The following ABCD3 variants were observed in gnomAD, a reference collection of about 807,000 sequenced individuals.
The protein encoded by ABCD3 is ATP-binding cassette sub-family D member 3.
ABCD3 carries 41 observed loss-of-function variants against 105.5 expected under a neutral mutation model. That is an observed-to-expected ratio of 0.39 (90% CI 0.30 to 0.50). The LOEUF (loss-of-function observed/expected upper bound fraction) is 0.50. Among genes scored for constraint, ABCD3 ranks in the 20% least tolerant of loss-of-function variants. ABCD3 has a pLI of 0.84. For missense variants in ABCD3, 622 were observed against 806.3 expected (o/e 0.77, Z 2.77); for synonymous variants, 258 against 269.0 (o/e 0.96, Z 0.40).
At chr1:94,391,581 A>G in the ABCD3 span, among the ~76,000 whole-genome samples, 2 of 146,856 alleles carry the variant, frequency 1.4e-5, no homozygotes, top group East Asian at 4.1e-4. Flanking sequence ...AGCCCAGCCT[A>G]TGTAAGACAG....
At chr1:94,419,242 A>G (rs948292668) in intron 1 of ABCD3, 2 of 978,686 alleles carry the variant, frequency 2.0e-6, no homozygotes, top group African/African-American at 3.5e-5. Context: ...TCATCCGGAA[A>G]GGCTGGATCG....
chr1:94,408,448 G>C, the ABCD3 span, among the ~76,000 whole-genome samples: 1 of 151,692 alleles, frequency 6.6e-6, no homozygotes, highest in African/African-American at 2.4e-5. Flanking sequence ...AAAAAAATTA[G>C]CTGGGCGTAG....
In ABCD3 at chr1:94,480,618, T is replaced by G. The variant is rs182429529; in HGVS notation, c.827+12T>G. 6.2e-7 allele frequency: 1 copy of G among 1,613,262 alleles called. No individual in the cohort carries two copies. Among genetic ancestry groups the G allele is most frequent in the African/African-American group, 1.3e-5 (1 of 74,882 alleles). ...CTCATCACAAACAGGTAAAGACAAA[T>G]GCATTAAAGCCTTGCTAAAAATTAA... On this transcript the variant is annotated intron_variant, in intron 9 of 22. Transcript: ENST00000370214.
chr1:94,485,433 AATTGGATTTTTGCCTCGTCGGTATTTAAC>A (rs1460961987), intron 10 of ABCD3, among the ~76,000 whole-genome samples: 8 of 152,178 alleles, frequency 5.3e-5, no homozygotes, highest in African/African-American at 1.9e-4. Flanking sequence ...TTATTTCAGA[AATTGGATTTTTGCCTCGTCGGTATTTAAC>A]ATGGCAGAAC....
At chr1:94,398,199 A>AATCATCT in the ABCD3 span, among the ~76,000 whole-genome samples, 11 of 152,134 alleles carry the variant, frequency 7.2e-5, no homozygotes, top group Non-Finnish European at 1.6e-4. Flanking sequence ...ATCATCTATC[A>AATCATCT]ATCAATCAAC....
chr1:94,492,063 G>A (rs1315654850), intron 16 of ABCD3, among the ~76,000 whole-genome samples: 1 of 151,122 alleles, frequency 6.6e-6, no homozygotes, highest in Non-Finnish European at 1.5e-5. Context: ...TAGATATTGA[G>A]CATGTGAAAT....
At chr1:94,396,680 T>C in the ABCD3 span, among the ~76,000 whole-genome samples, 1 of 152,212 alleles carries the variant, frequency 6.6e-6, no homozygotes, top group Non-Finnish European at 1.5e-5. Flanking sequence ...TATAGTTACA[T>C]AAATATAACA....
chr1:94,506,801 A>G (rs922576822), intron 21 of ABCD3, among the ~76,000 whole-genome samples, 159 bp downstream of exon 21: 2 of 152,044 alleles, frequency 1.3e-5, no homozygotes, highest in Admixed American at 6.6e-5. Context: ...TGAATAAAAG[A>G]AAAAGAATTA....
chr1:94,440,764 A>T (rs1173645670), intron 1 of ABCD3, among the ~76,000 whole-genome samples: 1 of 152,098 alleles, frequency 6.6e-6, no homozygotes, highest in Non-Finnish European at 1.5e-5. Flanking sequence ...CTAGTTTTCT[A>T]GTTTCGTTGT....
chr1:94,451,429 C>G (rs77746791), intron 1 of ABCD3, among the ~76,000 whole-genome samples: 4,138 of 151,884 alleles, frequency 0.027, 198 homozygotes, highest in African/African-American at 0.095. Flanking sequence ...TACCCAGGAG[C>G]ATTGTCAGTC....
chr1:94,458,703 A>G, intron 2 of ABCD3, 60 bp downstream of exon 2: 1 of 1,509,540 alleles, frequency 6.6e-7, no homozygotes, highest in Non-Finnish European at 9.2e-7. Flanking sequence ...TTATTTTGTC[A>G]TATGATTCTG....
At chr1:94,461,807 G>A (rs920682201) in intron 2 of ABCD3, among the ~76,000 whole-genome samples, 1 of 152,130 alleles carries the variant, frequency 6.6e-6, no homozygotes, top group African/African-American at 2.4e-5. Flanking sequence ...AGGTATATTT[G>A]TAGGGTAAGT....
At chr1:94,397,781 G>A in the ABCD3 span, among the ~76,000 whole-genome samples, 1 of 152,222 alleles carries the variant, frequency 6.6e-6, no homozygotes, top group East Asian at 1.9e-4. Context: ...ACTGCTTGGA[G>A]GGAGGAATAT....
In ABCD3 at chr1:94,493,611, A is replaced by G. The variant is rs1291493618; in HGVS notation, c.1386+2364A>G. Among the ~76,000 whole-genome samples the G allele has an allele frequency of 5.9e-5, 9 of 151,546 alleles. No individual in the cohort carries two copies. The East Asian group carries it at 7.8e-4, about 13-fold the overall frequency. On this transcript the variant is annotated intron_variant, in intron 16 of 22. Transcript: ENST00000370214. ...TTACTGGGTATATACCCAAAGGACTATAAATCATGCTGCTATAAAGACACA... is the reference window on the plus strand; with the variant it reads ...TTACTGGGTATATACCCAAAGGACTGTAAATCATGCTGCTATAAAGACACA...
chr1:94,461,886 G>A (rs948055674), intron 2 of ABCD3, among the ~76,000 whole-genome samples: 1 of 152,112 alleles, frequency 6.6e-6, no homozygotes, highest in Non-Finnish European at 1.5e-5. Context: ...TTTGATAAAT[G>A]ATACATAATA....
chr1:94,464,682 G>T, intron 2 of ABCD3, 93 bp from the exon 3 acceptor site: 1 of 1,060,266 alleles, frequency 9.4e-7, no homozygotes, highest in Admixed American at 1.8e-5. Flanking sequence ...TATCTTGATA[G>T]CTGTTTATGT....
intron 1 of ABCD3, among the ~76,000 whole-genome samples, chr1:94,427,219 G>A (rs112168776): frequency 1.1e-4 from 17 of 152,150 alleles, no homozygotes; most frequent in African/African-American, 4.1e-4. Flanking sequence ...CTGGTGTGGG[G>A]AAGGGTCTTT....
chr1:94,419,360 CT>C, intron 1 of ABCD3: 1 of 985,176 alleles, frequency 1.0e-6, no homozygotes, highest in Non-Finnish European at 1.2e-6. Flanking sequence ...CACGCCACTG[CT>C]TCCACCGCGG....
chr1:94,406,341 T>TG, the ABCD3 span: 66 of 111,252 alleles, frequency 5.9e-4, 2 homozygotes, highest in East Asian at 0.013. Flanking sequence ...TTTTGTTTTG[T>TG]TTTTTTTTTT....
Sources: gnomAD v4.1 joint callset for allele counts (sites outside exome capture counted in the v4.1 genomes callset) on GRCh38, gnomAD v4.1.1 for gene constraint, MANE v1.5 for transcripts, NCBI Gene and HGNC (gene_info 2026-07-23, HGNC 2026-07-21) for gene names.